INPP1: variants seen among roughly 807,000 people sequenced by gnomAD.
The protein encoded by INPP1 is inositol polyphosphate-1-phosphatase.
A neutral mutation model predicts 23.0 loss-of-function variants in INPP1; 18 were observed. The ratio of observed to expected loss-of-function variants is 0.78; its 90% CI spans 0.54 to 1.16. The LOEUF (loss-of-function observed/expected upper bound fraction) is 1.16. Among genes scored for constraint, INPP1 ranks in the 50% most tolerant of loss-of-function variants. The pLI is 0.00. For synonymous variants in INPP1, 164 were observed against 176.3 expected, an observed-to-expected ratio of 0.93 and a Z score of 0.55; for missense variants, 448 against 482.1, an observed-to-expected ratio of 0.93 and a Z score of 0.66.
intron 1 of INPP1, among the ~76,000 whole-genome samples, chr2:190,347,064 T>C (rs972299200): frequency 1.1e-4 from 16 of 141,038 alleles, no homozygotes; most frequent in African/African-American, 4.1e-4. Context: ...CAGGCTAGAG[T>C]GCAGTGGTGT....
intron 1 of INPP1, among the ~76,000 whole-genome samples, chr2:190,347,357 A>G (rs1343866863): frequency 6.6e-6 from 1 of 152,120 alleles, no homozygotes; most frequent in Admixed American, 6.5e-5. Flanking sequence ...CCATTCAAAA[A>G]AGAAAAAAAA....
Position 190,356,294 on chromosome 2 carries a change from G to A in INPP1, c.-64-3745G>A, listed in dbSNP as rs995107006. On this transcript the variant is annotated intron_variant, in intron 2 of 6. Coordinates refer to ENST00000392329, the MANE Select transcript of INPP1 (RefSeq NM_001128928.2). The surrounding 1 kb of genome is among the most constrained non-coding windows in gnomAD (Gnocchi z 6.4). Reference sequence around the variant, plus strand: ...TGACAGTGTTGCCTAGGGCCAAAACGAAGAGTGAACTCTGGGATAACCTTG... The same window carrying A: ...TGACAGTGTTGCCTAGGGCCAAAACAAAGAGTGAACTCTGGGATAACCTTG... 2.0e-5 allele frequency among the ~76,000 whole-genome samples: 3 copies of A among 152,200 alleles called. No individual in the cohort carries two copies. The highest frequency in any genetic ancestry group is 7.2e-5 in the African/African-American group (3 of 41,456).
intron 4 of INPP1, among the ~76,000 whole-genome samples, chr2:190,366,269 C>G (rs1042611643): frequency 1.8e-5 from 2 of 111,122 alleles, no homozygotes; most frequent in African/African-American, 7.6e-5. Context: ...CTCTTTCACT[C>G]TTCCTGTCTC....
intron 2 of INPP1, among the ~76,000 whole-genome samples, chr2:190,357,813 A>G (rs1689446310): frequency 6.6e-6 from 1 of 152,202 alleles, no homozygotes; most frequent in Admixed American, 6.5e-5. Context: ...CTGTTTCACC[A>G]CATCTCCAAG....
At chr2:190,369,473 T>G (rs1476051327) in intron 6 of INPP1, among the ~76,000 whole-genome samples, 196 bp downstream of exon 6, 2 of 152,232 alleles carry the variant, frequency 1.3e-5, no homozygotes, top group African/African-American at 4.8e-5. Flanking sequence ...GCCAAGTGCA[T>G]GCTGGTAGAA....
At chr2:190,366,384 T>G (rs1001740053) in intron 4 of INPP1, among the ~76,000 whole-genome samples, 3 of 150,980 alleles carry the variant, frequency 2.0e-5, no homozygotes, top group African/African-American at 7.3e-5. Context: ...TCTGTCTCTT[T>G]CACTCTCCCT....
In INPP1 at chr2:190,355,002, T is replaced by G. The variant is rs1689396711; in HGVS notation, c.-64-5037T>G. ...CTTATAATACTAATGTACTTATGAT[T>G]ATTATCCAACAATTACTGATTTTCC... On this transcript the variant is annotated intron_variant, in intron 2 of 6. Coordinates refer to ENST00000392329, the MANE Select transcript of INPP1 (RefSeq NM_001128928.2). This position sits in a 1 kb window ranked among gnomAD's most constrained non-coding sequence, Gnocchi z 5.1. Among the ~76,000 whole-genome samples the G allele has an allele frequency of 6.6e-6, 1 of 151,776 alleles. No individual in the cohort carries two copies. Among genetic ancestry groups the G allele is most frequent in the African/African-American group, 2.4e-5 (1 of 41,232 alleles).
At position 190,371,034 on chromosome 2, in the gene INPP1, C is replaced by G; in HGVS notation, c.832C>G (p.Arg278Gly). The G allele has an allele frequency of 6.2e-7, 1 of 1,614,124 alleles. No homozygotes were observed. The highest frequency in any genetic ancestry group is 8.5e-7 in the Non-Finnish European group (1 of 1,180,016). ...EKETIKAALSRVCGDRIFGAA... is the reference protein window; with the variant it reads ...EKETIKAALSGVCGDRIFGAA... The stretch of plus-strand genomic sequence containing the variant: ...GGAGACTATCAAAGCTGCATTGTCA[C>G]GTGTGTGTGGAGATCGCATATTTGG... Residue 278 changes from arginine to glycine, a missense_variant, in exon 7 of 7, where the codon CGT (arginine) becomes GGT (glycine). Coordinates refer to ENST00000392329, the MANE Select transcript of INPP1 (RefSeq NM_001128928.2). This position sits in a 1 kb window ranked among gnomAD's most constrained non-coding sequence, Gnocchi z 5.3.
At chr2:190,348,537 C>T (rs920729857) in intron 1 of INPP1, among the ~76,000 whole-genome samples, 2 of 152,160 alleles carry the variant, frequency 1.3e-5, no homozygotes, top group African/African-American at 4.8e-5. Flanking sequence ...ACCCATTAAA[C>T]AATGACTCTA....
intron 6 of INPP1, among the ~76,000 whole-genome samples, chr2:190,370,580 A>C (rs1452240899): frequency 6.6e-6 from 1 of 152,244 alleles, no homozygotes; most frequent in Non-Finnish European, 1.5e-5. Context: ...AACCCCATAA[A>C]TGTTTTAGTG....
Position 190,360,110 on chromosome 2 carries a change from A to G in INPP1, c.8A>G (p.Asp3Gly). 1.9e-6 allele frequency: 3 copies of G among 1,613,002 alleles called. No homozygotes were observed. Among genetic ancestry groups the G allele is most frequent in the African/African-American group, 1.3e-5 (1 of 75,002 alleles). MS[D>G]ILRELLCVSE... is the part of the protein sequence containing the mutation. ...GAAAAGCAAGGTTCAGAAATGTCAG[A>G]TATCCTCCGGGAGCTGCTCTGTGTC... Residue 3 changes from aspartate (D) to glycine (G), a missense_variant, in exon 3 of 7, where the codon GAT (aspartate) becomes GGT (glycine). Asp to Gly is a moderately conservative substitution (Grantham distance 94). Transcript: ENST00000392329.
At chr2:190,349,508 T>C (rs1486202698) in intron 2 of INPP1, among the ~76,000 whole-genome samples, 1 of 152,242 alleles carries the variant, frequency 6.6e-6, no homozygotes, top group Non-Finnish European at 1.5e-5. Context: ...TAATATTCTA[T>C]TGGAAAATAT....
rs1269088175 is a variant in INPP1, at chr2:190,356,409, CT to C, written c.-64-3627del. The C allele has an allele frequency of 6.6e-6, 1 of 152,248 alleles. No homozygotes were observed. Among genetic ancestry groups the C allele is most frequent in the African/African-American group, 2.4e-5 (1 of 41,456 alleles). 9.4% of individuals were successfully genotyped at this position (152,248 alleles called of 1,614,324 possible). The stretch of plus-strand genomic sequence containing the variant: ...GGGCTGCAGTGAATAGCCAGTACTT[CT>C]TTCCCATTGGTCAAGTTGCTGTGCT... On this transcript the variant is annotated intron_variant, in intron 2 of 6. Coordinates refer to ENST00000392329, the MANE Select transcript of INPP1 (RefSeq NM_001128928.2). This position sits in a 1 kb window ranked among gnomAD's most constrained non-coding sequence, Gnocchi z 6.4.
rs750376955 is a variant in INPP1, at chr2:190,366,772, A to G, written c.343A>G (p.Lys115Glu). The change falls in exon 5 of 7, where the codon AAG (lysine) becomes GAG (glutamate). Residue 115 changes from lysine (K) to glutamate (E), a missense_variant. Transcript: ENST00000392329. ...TCTTAGCAAAGTCCTCAATGGTAAC[A>G]AGGTGGCATCTGAAGCATTAGCCAG... is the stretch of plus-strand genomic sequence containing the variant. ...ELLSKVLNGN[K>E]VASEALARVV... 5.0e-6 allele frequency: 8 copies of G among 1,613,552 alleles called. No homozygotes were observed. Among genetic ancestry groups the G allele is most frequent in the Non-Finnish European group, 6.8e-6 (8 of 1,179,428 alleles).
chr2:190,366,896 G>C lies in INPP1; in HGVS notation c.466+1G>C. 6.3e-7 allele frequency: 1 copy of C among 1,586,956 alleles called. No homozygotes were observed. Among genetic ancestry groups the C allele is most frequent in the South Asian group, 1.1e-5 (1 of 90,538 alleles). On this transcript the variant is annotated splice_donor_variant, in intron 5 of 6. Coordinates refer to ENST00000392329, the MANE Select transcript of INPP1 (RefSeq NM_001128928.2). LOFTEE classifies it high-confidence loss of function. ...TTGGGAATTTGGGTGGACCCCATAG[G>C]TAAGTATAGGAAAGTATGTTTGTTC... is the stretch of plus-strand genomic sequence containing the variant.
rs554821450 is a variant in INPP1, at chr2:190,368,005, C to T, written c.467-1098C>T. Among the ~76,000 whole-genome samples the T allele has an allele frequency of 6.6e-6, 1 of 152,126 alleles. No homozygotes were observed. Among genetic ancestry groups the T allele is most frequent in the Non-Finnish European group, 1.5e-5 (1 of 68,028 alleles). On this transcript the variant is annotated intron_variant, in intron 5 of 6. Transcript: ENST00000392329. This position sits in a 1 kb window ranked among gnomAD's most constrained non-coding sequence, Gnocchi z 4.3. Reference sequence around the variant, plus strand: ...AGGCAAACTCCTCTCTGGGCCCTTCCCATCCTACAAGTGCATTCACAGGAT... The same window carrying T: ...AGGCAAACTCCTCTCTGGGCCCTTCTCATCCTACAAGTGCATTCACAGGAT...
chr2:190,366,145 CGCTCTTTCGCTGTCTCTCTCGCTCTT>C (rs1482348004), intron 4 of INPP1, among the ~76,000 whole-genome samples: 2 of 150,846 alleles, frequency 1.3e-5, no homozygotes, highest in African/African-American at 2.4e-5. Context: ...TGCTCTCTCT[CGCTCTTTCGCTGTCTCTCTCGCTCTT>C]TGTCTCTTGC....
chr2:190,353,847 A>G (rs1029343376), intron 2 of INPP1, among the ~76,000 whole-genome samples: 2 of 152,216 alleles, frequency 1.3e-5, no homozygotes, highest in African/African-American at 2.4e-5. Context: ...ATGTTCTGAT[A>G]ATGGCTGGAA....
At chr2:190,347,390 G>A (rs1035548246) in intron 1 of INPP1, among the ~76,000 whole-genome samples, 2 of 151,786 alleles carry the variant, frequency 1.3e-5, no homozygotes, top group Non-Finnish European at 2.9e-5. Context: ...CTAAAACTTG[G>A]TCAGTTATAT....
Sources: gnomAD v4.1 joint callset for allele counts (sites outside exome capture counted in the v4.1 genomes callset) on GRCh38, gnomAD v4.1.1 for gene constraint, Gnocchi (gnomAD v3.1) non-coding constraint, MANE v1.5 for transcripts, NCBI Gene and HGNC (gene_info 2026-07-23, HGNC 2026-07-21) for gene names.